Variants in USP24 observed in about 807,000 individuals in gnomAD.
The protein encoded by USP24 is ubiquitin carboxyl-terminal hydrolase 24.
USP24 carries 97 observed loss-of-function variants against 361.6 expected under a neutral mutation model. The observed-to-expected ratio is 0.27, with a 90% CI of 0.23 to 0.32. USP24 has a LOEUF of 0.32. Among genes scored for constraint, USP24 ranks in the 10% least tolerant of loss-of-function variants. USP24 has a pLI of 1.00. For missense variants in USP24, 2,353 were observed against 3,165.6 expected, an observed-to-expected ratio of 0.74 and a Z score of 6.16; for synonymous variants, 1,098 against 1,124.6, an observed-to-expected ratio of 0.98 and a Z score of 0.47.
At chr1:55,132,782 A>G (rs1646628881) in intron 30 of USP24, 82 bp from the exon 31 acceptor site, 2 of 1,361,252 alleles carry the variant, frequency 1.5e-6, no homozygotes, top group Non-Finnish European at 2.0e-6. Context: ...ACGTCCTAAT[A>G]TTCTTTCCCT....
In USP24 at chr1:55,105,134, T is replaced by C. The variant is rs185398038; in HGVS notation, c.4880+1012A>G. 3.5e-4 allele frequency among the ~76,000 whole-genome samples: 54 copies of C among 152,352 alleles called. No individual in the cohort carries two copies. In the South Asian group the frequency reaches 6.8e-3, roughly 19 times the overall value. On this transcript the variant is annotated intron_variant, in intron 41 of 67. Coordinates refer to ENST00000294383, the MANE Select transcript of USP24 (RefSeq NM_015306.3). The stretch of plus-strand genomic sequence containing the variant: ...TTCATTTATGGAGGAACTACTTTTA[T>C]TAATAATAAAACTGCTAAAGATATA...
chr1:55,070,639 T>C (rs1349186325), intron 67 of USP24, among the ~76,000 whole-genome samples: 1 of 151,990 alleles, frequency 6.6e-6, no homozygotes, highest in East Asian at 1.9e-4. Context: ...GTTTAGAGAA[T>C]TAGTCGAAGT....
intron 3 of USP24, among the ~76,000 whole-genome samples, chr1:55,173,663 T>C (rs2100808503): frequency 6.6e-6 from 1 of 152,302 alleles, no homozygotes; most frequent in East Asian, 1.9e-4. Flanking sequence ...GCCCAAACTG[T>C]AATAGCTGCA....
At chr1:55,144,630 T>C (rs1646979627) in intron 20 of USP24, among the ~76,000 whole-genome samples, 1 of 152,274 alleles carries the variant, frequency 6.6e-6, no homozygotes, top group East Asian at 1.9e-4. Flanking sequence ...ACCAGAGAAG[T>C]GCACATTAAA....
intron 4 of USP24, among the ~76,000 whole-genome samples, chr1:55,172,089 T>G (rs1160972211): frequency 6.6e-6 from 1 of 152,088 alleles, no homozygotes; most frequent in South Asian, 2.1e-4. Flanking sequence ...TCCATCTACA[T>G]GAACACTCCA....
At chr1:55,070,025 G>T (rs1011280167) in intron 67 of USP24, among the ~76,000 whole-genome samples, 2 of 152,038 alleles carry the variant, frequency 1.3e-5, no homozygotes, top group Non-Finnish European at 2.9e-5. Context: ...GAGAAGCAGG[G>T]GTGGAGGTGA....
intron 60 of USP24, 53 bp downstream of exon 60, chr1:55,079,485 A>G (rs1645098092): frequency 6.4e-7 from 1 of 1,551,992 alleles, no homozygotes; most frequent in Non-Finnish European, 8.6e-7. Flanking sequence ...AACAAAAAGC[A>G]ATTTTCCTCA....
At chr1:55,140,174 G>C (rs1349059847) in intron 24 of USP24, among the ~76,000 whole-genome samples, 3 of 151,862 alleles carry the variant, frequency 2.0e-5, no homozygotes, top group African/African-American at 7.3e-5. Context: ...TTTCTCTGTA[G>C]TCCACCAAAT....
intron 1 of USP24, among the ~76,000 whole-genome samples, chr1:55,182,916 G>A (rs112758184): frequency 0.035 from 5,288 of 151,978 alleles, 289 homozygotes; most frequent in African/African-American, 0.12. Context: ...ACAGGGTTTC[G>A]CCATGTTGGT....
intron 36 of USP24, among the ~76,000 whole-genome samples, chr1:55,122,903 T>C (rs1345258029): frequency 2.6e-5 from 4 of 151,962 alleles, no homozygotes; most frequent in Non-Finnish European, 5.9e-5. Flanking sequence ...TAGACCCAAA[T>C]TTAGGTGTTG....
chr1:55,110,153 C>T, intron 39 of USP24, 32 bp downstream of exon 39: 3 of 1,508,108 alleles, frequency 2.0e-6, no homozygotes, highest in Non-Finnish European at 2.7e-6. Flanking sequence ...CTTCCCCAGC[C>T]CCTCTCCCCT....
Position 55,081,327 on chromosome 1 carries a change from T to C in USP24, c.7073A>G (p.Asn2358Ser). 3 of 1,613,452 alleles carry C rather than the reference T, an allele frequency of 1.9e-6. 1 individual carries two copies. The highest frequency in any genetic ancestry group is 3.3e-4 in the Middle Eastern group (2 of 6,054). The stretch of plus-strand genomic sequence containing the variant: ...CTAAGATATGTTAAGCTTACCAACA[T>C]TCCTTTGGGATGAGACATCTGAATG... ...VLHSDVSSQR[N>S]VAPGIFKQRP... Residue 2358 changes from asparagine to serine, a missense_variant, in exon 59 of 68, where the codon AAT becomes AGT. Physicochemically the swap from Asn to Ser is conservative, Grantham distance 46. Transcript: ENST00000294383.
intron 16 of USP24, among the ~76,000 whole-genome samples, chr1:55,151,570 C>T (rs1388774278): frequency 6.6e-6 from 1 of 151,876 alleles, no homozygotes; most frequent in Non-Finnish European, 1.5e-5. Flanking sequence ...TGCAGTACAA[C>T]TAACTGAGGA....
intron 39 of USP24, among the ~76,000 whole-genome samples, chr1:55,108,713 C>G (rs920826604): frequency 6.6e-6 from 1 of 152,184 alleles, no homozygotes; most frequent in Non-Finnish European, 1.5e-5. Flanking sequence ...ATTAATAACT[C>G]GTTCACTCAT....
chr1:55,201,299 C>T (rs1172106545), intron 1 of USP24, among the ~76,000 whole-genome samples: 1 of 152,072 alleles, frequency 6.6e-6, no homozygotes, highest in Non-Finnish European at 1.5e-5. Context: ...GAAAACCAGA[C>T]CCTGCTTTCA....
At chr1:55,072,484 G>T in intron 65 of USP24, 81 bp from the exon 66 acceptor site, 2 of 1,168,956 alleles carry the variant, frequency 1.7e-6, no homozygotes, top group Non-Finnish European at 2.4e-6. Flanking sequence ...TAGATATTGA[G>T]TCTTAAAAGC....
Position 55,212,008 on chromosome 1 carries a change from A to C in USP24, c.324+2782T>G, listed in dbSNP as rs542127161. ...TCCCTTTAACCCATTACTGTGTCCC[A>C]TTCCTTTTTCCTTTGAAAGAGAGCC... On this transcript the variant is annotated intron_variant, in intron 1 of 67. Transcript: ENST00000294383. Among the ~76,000 whole-genome samples, 16 of 152,242 alleles carry C rather than the reference A, an allele frequency of 1.1e-4. No individual in the cohort carries two copies. In the South Asian group the frequency reaches 3.3e-3, roughly 32 times the overall value.
intron 7 of USP24, among the ~76,000 whole-genome samples, chr1:55,165,258 A>C (rs1387030691): frequency 6.6e-6 from 1 of 152,124 alleles, no homozygotes; most frequent in Non-Finnish European, 1.5e-5. Context: ...CATGCCAAGT[A>C]CGTAATAGTT....
chr1:55,124,134 CT>C (rs1316656461), intron 35 of USP24, among the ~76,000 whole-genome samples: 6 of 152,160 alleles, frequency 3.9e-5, no homozygotes, highest in Non-Finnish European at 8.8e-5. Context: ...AAGAAAAGAA[CT>C]GTTTTCCAGG....
Sources: gnomAD v4.1 joint callset for allele counts (sites outside exome capture counted in the v4.1 genomes callset) on GRCh38, gnomAD v4.1.1 for gene constraint, MANE v1.5 for transcripts, NCBI Gene and HGNC (gene_info 2026-07-23, HGNC 2026-07-21) for gene names.